The following LAMB1 variants were observed in gnomAD, a reference collection of about 807,000 sequenced individuals.
The protein encoded by LAMB1 is laminin subunit beta-1.
In LAMB1, 121 loss-of-function variants were observed where a neutral mutation model predicts 222.3. That is an observed-to-expected ratio of 0.54 (90% CI 0.47 to 0.63). LAMB1 has a LOEUF of 0.63. Ranked by LOEUF, LAMB1 falls within the 30% of genes least tolerant of loss-of-function variation. LAMB1 has a pLI of 0.00. For missense variants in LAMB1, 2,172 were observed against 2,240.8 expected (o/e 0.97, Z 0.62); for synonymous variants, 794 against 807.2 (o/e 0.98, Z 0.28).
At chr7:107,949,451 G>A (rs1024452792) in intron 24 of LAMB1, among the ~76,000 whole-genome samples, 2 of 152,154 alleles carry the variant, frequency 1.3e-5, no homozygotes, top group Non-Finnish European at 2.9e-5. Flanking sequence ...CAAGCCTTGG[G>A]GCATTACAAG....
intron 20 of LAMB1, 66 bp downstream of exon 20, chr7:107,959,183 T>A: frequency 8.2e-7 from 1 of 1,224,642 alleles, no homozygotes; most frequent in Non-Finnish European, 1.2e-6. Context: ...ATTCTGTGGT[T>A]GGTCTAAGAT....
At chr7:107,934,052 G>A (rs1461253602) in intron 27 of LAMB1, among the ~76,000 whole-genome samples, 4 of 152,048 alleles carry the variant, frequency 2.6e-5, no homozygotes, top group Admixed American at 1.3e-4. Context: ...GGAGAGAATT[G>A]GCATTTCATG....
intron 13 of LAMB1, among the ~76,000 whole-genome samples, chr7:107,970,648 C>G (rs1040718011): frequency 1.3e-5 from 2 of 151,210 alleles, no homozygotes; most frequent in Admixed American, 6.6e-5. Flanking sequence ...AATGCCAATT[C>G]TTTTTCATTA....
At chr7:107,929,318 G>T (rs903325672) in intron 30 of LAMB1, 94 bp downstream of exon 30, 1 of 1,497,130 alleles carries the variant, frequency 6.7e-7, no homozygotes, top group Non-Finnish European at 9.3e-7. Context: ...GACTCGCATA[G>T]GTCCTTCTTA....
intron 9 of LAMB1, 37 bp from the exon 10 acceptor site, chr7:107,975,914 A>T (rs762945332): frequency 6.3e-7 from 1 of 1,586,814 alleles, no homozygotes; most frequent in Admixed American, 1.7e-5. Flanking sequence ...AAGCTTTTTA[A>T]ATCTATGGAC....
At chr7:107,972,921 G>A in intron 13 of LAMB1, 71 bp downstream of exon 13, 1 of 1,182,248 alleles carries the variant, frequency 8.5e-7, no homozygotes, top group East Asian at 2.3e-5. Context: ...ACAACTGAAT[G>A]TCACCCATTC....
chr7:107,949,841 C>G (rs1180306202), intron 24 of LAMB1, among the ~76,000 whole-genome samples: 1 of 152,194 alleles, frequency 6.6e-6, no homozygotes, highest in Non-Finnish European at 1.5e-5. Context: ...AGGTTCCTGA[C>G]CTTCTGTAGG....
intron 3 of LAMB1, 99 bp from the exon 4 acceptor site, chr7:107,998,591 T>C (rs191159734): frequency 3.0e-6 from 3 of 990,008 alleles, no homozygotes; most frequent in East Asian, 5.0e-5. Context: ...AAAATCAACC[T>C]ATTAGCTTCA....
rs979924995 is a variant in LAMB1, at chr7:107,940,345, G to A, written c.3405C>T (p.Asp1135=). The part of the protein sequence containing the change: ...PDVECRACDC[D]PRGIETPQCD... ...ACTGTGGCGTCTCAATGCCCCTGGG[G>A]TCACAGTCACAGGCTAGAAGGGAAT... Residue 1135 remains aspartate (D), a synonymous_variant, in exon 25 of 34, where the codon GAC becomes GAT. Coordinates refer to ENST00000222399, the MANE Select transcript of LAMB1 (RefSeq NM_002291.3). The A allele has an allele frequency of 1.9e-6, 3 of 1,613,268 alleles. No individual in the cohort carries two copies. Among genetic ancestry groups the A allele is most frequent in the Non-Finnish European group, 2.5e-6 (3 of 1,179,418 alleles).
chr7:107,956,263 C>T (rs1183782178), intron 20 of LAMB1, among the ~76,000 whole-genome samples: 1 of 152,198 alleles, frequency 6.6e-6, no homozygotes, highest in Admixed American at 6.5e-5. Flanking sequence ...AAACTCCTGA[C>T]CTCAGGTGAT....
chr7:107,939,874 C>A, intron 25 of LAMB1, 115 bp downstream of exon 25: 1 of 1,205,562 alleles, frequency 8.3e-7, no homozygotes, highest in Non-Finnish European at 1.2e-6. Flanking sequence ...TCTGTTCTCA[C>A]CCACAGGACT....
chr7:107,989,045 A>C (rs1563006877), intron 5 of LAMB1, among the ~76,000 whole-genome samples: 1 of 152,204 alleles, frequency 6.6e-6, no homozygotes, highest in Non-Finnish European at 1.5e-5. Flanking sequence ...CTTAGATTCA[A>C]ATCCATTCCT....
At chr7:107,931,770 T>C in intron 28 of LAMB1, 1 of 489,620 alleles carries the variant, frequency 2.0e-6, no homozygotes, top group Non-Finnish European at 3.6e-6. Flanking sequence ...AAAATAGTCC[T>C]GAGTCTTTTT....
At chr7:107,975,598 C>A in intron 10 of LAMB1, 91 bp downstream of exon 10, 1 of 1,352,158 alleles carries the variant, frequency 7.4e-7, no homozygotes. Flanking sequence ...GGCTTTACTG[C>A]TCATACTATG....
chr7:108,002,430 T>C (rs888670739), intron 2 of LAMB1: 1 of 1,314,884 alleles, frequency 7.6e-7, no homozygotes, highest in African/African-American at 1.5e-5. Context: ...TAAAGCCACA[T>C]GGCCCCCATC....
At chr7:107,960,850 C>A (rs919242049) in intron 17 of LAMB1, among the ~76,000 whole-genome samples, 1 of 152,148 alleles carries the variant, frequency 6.6e-6, no homozygotes, top group Non-Finnish European at 1.5e-5. Flanking sequence ...AGCTTGATGG[C>A]TTTTAAATGC....
At position 107,923,885 on chromosome 7, in the gene LAMB1, T is replaced by C; in HGVS notation, c.*66A>G. ...AGGTGATGTTTTATTTTGAAGAGCA[T>C]TAAGTCAGTTTTTAAAATGTAGTTG... is the stretch of plus-strand genomic sequence containing the variant. On this transcript the variant is annotated 3_prime_UTR_variant, in exon 34 of 34. Transcript: ENST00000222399. 7.2e-7 allele frequency: 1 copy of C among 1,398,534 alleles called. No homozygotes were observed. Among genetic ancestry groups the C allele is most frequent in the South Asian group, 1.3e-5 (1 of 79,346 alleles). 86.6% of individuals were successfully genotyped at this position (1,398,534 alleles called of 1,614,324 possible). A position where few individuals can be genotyped will look rare whatever the true frequency, so the allele number is the denominator to read the frequency against.
intron 33 of LAMB1, 50 bp downstream of exon 33, chr7:107,924,180 A>G (rs539998071): frequency 1.5e-5 from 24 of 1,556,268 alleles, no homozygotes; most frequent in Middle Eastern, 1.7e-4. Context: ...TAAATAAACT[A>G]TGGATGCCTT....
chr7:107,961,091 G>T (rs75874176), intron 17 of LAMB1, 115 bp downstream of exon 17: 23,304 of 1,193,508 alleles, frequency 0.02, 308 homozygotes, highest in Middle Eastern at 0.058. Context: ...AGGCAAGAAA[G>T]AATGATTCTG....
Sources: gnomAD v4.1 joint callset for allele counts (sites outside exome capture counted in the v4.1 genomes callset) on GRCh38, gnomAD v4.1.1 for gene constraint, MANE v1.5 for transcripts, NCBI Gene and HGNC (gene_info 2026-07-23, HGNC 2026-07-21) for gene names.